LSAMP: variants seen among roughly 807,000 people sequenced by gnomAD.
The protein encoded by LSAMP is limbic system associated membrane protein.
In LSAMP, 7 loss-of-function variants were observed where a neutral mutation model predicts 38.6. The ratio of observed to expected loss-of-function variants is 0.18; its 90% CI spans 0.10 to 0.34. The LOEUF (loss-of-function observed/expected upper bound fraction) is 0.34, where lower values mean the gene tolerates loss of function less well. Ranked by LOEUF, LSAMP falls within the 10% of genes least tolerant of loss-of-function variation. LSAMP has a pLI of 1.00. For synonymous variants in LSAMP, 154 were observed against 166.8 expected (o/e 0.92, Z 0.59); for missense variants, 313 against 420.0 (o/e 0.75, Z 2.23).
chr3:116,168,283 G>C (rs1710110088), intron 1 of LSAMP, among the ~76,000 whole-genome samples: 1 of 152,026 alleles, frequency 6.6e-6, no homozygotes, highest in African/African-American at 2.4e-5. Context: ...ATCCCTGGAG[G>C]GGAGCTCTCT....
intron 1 of LSAMP, among the ~76,000 whole-genome samples, chr3:116,245,112 C>A (rs1432271179): frequency 6.6e-6 from 1 of 152,116 alleles, no homozygotes; most frequent in African/African-American, 2.4e-5. Flanking sequence ...AAAGCGAGAT[C>A]ATTAGGGTGG....
chr3:115,868,869 A>G (rs976975496), intron 3 of LSAMP, among the ~76,000 whole-genome samples: 1 of 152,156 alleles, frequency 6.6e-6, no homozygotes, highest in Non-Finnish European at 1.5e-5. Context: ...TTAGATTTTA[A>G]TTGAGAAAAA....
intron 1 of LSAMP, among the ~76,000 whole-genome samples, chr3:116,399,863 T>C (rs1027127362): frequency 1.3e-5 from 2 of 152,170 alleles, no homozygotes; most frequent in African/African-American, 4.8e-5. Context: ...CTCACTTATG[T>C]AGAAAGCATT....
chr3:116,365,757 G>C (rs1394204996), intron 1 of LSAMP, among the ~76,000 whole-genome samples: 1 of 103,432 alleles, frequency 9.7e-6, no homozygotes, highest in Non-Finnish European at 1.8e-5. Context: ...GTAAACTATC[G>C]CAAGAACAAA....
At chr3:116,403,989 C>T (rs2048872691) in intron 1 of LSAMP, among the ~76,000 whole-genome samples, 1 of 152,018 alleles carries the variant, frequency 6.6e-6, no homozygotes, top group Non-Finnish European at 1.5e-5. Flanking sequence ...GTCTCAAACT[C>T]CTTACCTCAA....
chr3:115,948,947 G>T (rs1576246853), intron 3 of LSAMP, among the ~76,000 whole-genome samples: 1 of 151,954 alleles, frequency 6.6e-6, no homozygotes, highest in African/African-American at 2.4e-5. Context: ...AGCCTGGCCA[G>T]CATGGTAAAA....
chr3:116,143,742 T>C (rs1164959842), intron 1 of LSAMP, among the ~76,000 whole-genome samples: 1 of 151,942 alleles, frequency 6.6e-6, no homozygotes, highest in Admixed American at 6.6e-5. Flanking sequence ...GCTTCTGAAT[T>C]TGTTTATCTT....
At chr3:116,035,592 CA>C (rs567694604) in intron 2 of LSAMP, among the ~76,000 whole-genome samples, 2 of 151,948 alleles carry the variant, frequency 1.3e-5, no homozygotes, top group African/African-American at 4.8e-5. Flanking sequence ...CTAATTGATG[CA>C]AAAAAACAAA....
At chr3:115,827,387 T>A (rs1409077979) in intron 6 of LSAMP, among the ~76,000 whole-genome samples, 3 of 151,986 alleles carry the variant, frequency 2.0e-5, no homozygotes, top group Non-Finnish European at 2.9e-5. Context: ...AAATGTCTTT[T>A]TAGGCTTTTT....
At chr3:116,295,899 C>T (rs1215825741) in intron 1 of LSAMP, among the ~76,000 whole-genome samples, 1 of 152,142 alleles carries the variant, frequency 6.6e-6, no homozygotes. Context: ...TTATTTGTGC[C>T]TTTAGAATAG....
At chr3:115,955,621 A>T (rs199726147) in intron 3 of LSAMP, among the ~76,000 whole-genome samples, 2 of 152,062 alleles carry the variant, frequency 1.3e-5, no homozygotes, top group Non-Finnish European at 2.9e-5. Context: ...TGGGTAAAGA[A>T]GGGTCTGCTA....
intron 1 of LSAMP, among the ~76,000 whole-genome samples, chr3:116,160,051 G>C (rs1038369135): frequency 6.6e-6 from 1 of 152,072 alleles, no homozygotes; most frequent in South Asian, 2.1e-4. Flanking sequence ...ACAAAGAAGG[G>C]AACAACAGAC....
intron 2 of LSAMP, among the ~76,000 whole-genome samples, chr3:116,052,569 G>A (rs558811690): frequency 1.3e-3 from 202 of 152,234 alleles, no homozygotes; most frequent in South Asian, 4.1e-3. Context: ...GGTAAGCACC[G>A]TCCCCGTGAG....
At chr3:116,093,020 T>C (rs1334511072) in intron 1 of LSAMP, among the ~76,000 whole-genome samples, 4 of 152,232 alleles carry the variant, frequency 2.6e-5, no homozygotes, top group Non-Finnish European at 5.9e-5. Context: ...TATTCACTGA[T>C]AACAAATAAA....
At chr3:116,162,644 TTATA>T (rs142669732) in intron 1 of LSAMP, among the ~76,000 whole-genome samples, 3 of 148,554 alleles carry the variant, frequency 2.0e-5, no homozygotes, top group Admixed American at 6.8e-5. Flanking sequence ...TGTGTGTACA[TTATA>T]TATATATATA....
chr3:116,182,269 C>A (rs1455597126), intron 1 of LSAMP, among the ~76,000 whole-genome samples: 1 of 151,442 alleles, frequency 6.6e-6, no homozygotes, highest in African/African-American at 2.4e-5. Flanking sequence ...AGGTTCTTTT[C>A]AGAAAATACA....
chr3:116,015,557 G>A (rs1262032071), intron 3 of LSAMP, among the ~76,000 whole-genome samples: 1 of 152,106 alleles, frequency 6.6e-6, no homozygotes, highest in Non-Finnish European at 1.5e-5. Flanking sequence ...CTATATAACT[G>A]AAGAGGGGAG....
intron 1 of LSAMP, among the ~76,000 whole-genome samples, chr3:116,123,911 CAAAT>C (rs1708945138): frequency 6.6e-6 from 1 of 152,080 alleles, no homozygotes; most frequent in Admixed American, 6.6e-5. Flanking sequence ...ATACAACTCT[CAAAT>C]AAGAGAGTAT....
chr3:116,444,060 G>A (rs2049470752), intron 1 of LSAMP, among the ~76,000 whole-genome samples: 1 of 152,044 alleles, frequency 6.6e-6, no homozygotes, highest in African/African-American at 2.4e-5. Flanking sequence ...GTTTGCCAGA[G>A]CTGCACAGAA....
Sources: allele counts gnomAD v4.1 joint callset (sites outside exome capture counted in the v4.1 genomes callset), GRCh38; gene constraint gnomAD v4.1.1; transcripts MANE v1.5; gene names NCBI Gene and HGNC (gene_info 2026-07-23, HGNC 2026-07-21).